The following SF3B1 variants were observed in gnomAD, a reference collection of about 807,000 sequenced individuals.
SF3B1 encodes splicing factor 3b subunit 1, also known as pre-mRNA processing 10.
A neutral mutation model predicts 153.8 loss-of-function variants in SF3B1; 12 were observed. The ratio of observed to expected loss-of-function variants is 0.08; its 90% CI spans 0.05 to 0.13. The LOEUF is 0.13. Ranked by LOEUF, SF3B1 falls within the 10% of genes least tolerant of loss-of-function variation. SF3B1 has a pLI of 1.00. For synonymous variants in SF3B1, 498 were observed against 525.2 expected (o/e 0.95, Z 0.71); for missense variants, 513 against 1,606.1 (o/e 0.32, Z 11.63).
Position 197,416,748 on chromosome 2 carries a change from T to G in SF3B1, c.659A>C (p.Gln220Pro). ...ATPKKLSSWD[Q>P]AETPGHTPSL... ...AAAACAAAAAGAAATTACCTCTGCC[T>G]GATCCCAACTTGATAGTTTTTTGGG... The change falls in exon 6 of 25, where the codon CAG (glutamine) becomes CCG (proline). Residue 220 changes from glutamine (Q) to proline (P), a missense_variant. By Grantham distance (76) the Gln-to-Pro change is moderately conservative (BLOSUM62 -1). Around this residue, in one of 21 missense-constraint regions of SF3B1, gnomAD observed 17 missense variants for 16.3 expected, o/e 1.05. Transcript: ENST00000335508. The G allele has an allele frequency of 6.2e-7, 1 of 1,610,166 alleles. No individual in the cohort carries two copies. The highest frequency in any genetic ancestry group is 8.5e-7 in the Non-Finnish European group (1 of 1,178,814).
chr2:197,402,519 GAAAA>G lies in SF3B1; in HGVS notation c.2077+33_2077+36del, dbSNP rs752109835. ...ACATAGTAAGACCCTGTCTCCTAAA[GAAAA>G]AAAAAAAAAGACAAAGTTACATTAC... On this transcript the variant is annotated intron_variant, in intron 14 of 24. Coordinates refer to ENST00000335508, the MANE Select transcript of SF3B1 (RefSeq NM_012433.4). This position sits in a 1 kb window ranked among gnomAD's most constrained non-coding sequence, Gnocchi z 4.6. 4 of 1,285,000 alleles carry G rather than the reference GAAAA, an allele frequency of 3.1e-6. No individual in the cohort carries two copies. Among genetic ancestry groups the G allele is most frequent in the South Asian group, 1.3e-5 (1 of 77,352 alleles). The allele number at this position is 1,285,000 out of a possible 1,614,324, so 79.6% of individuals were successfully genotyped here.
intron 12 of SF3B1, 80 bp downstream of exon 12, chr2:197,403,502 TAGG>T (rs1455032827): frequency 3.5e-6 from 3 of 866,402 alleles, no homozygotes; most frequent in Non-Finnish European, 5.2e-6. Context: ...GGAAAAGGTC[TAGG>T]AGAATATGTA....
At chr2:197,409,542 A>G (rs1402610339) in intron 7 of SF3B1, among the ~76,000 whole-genome samples, 1 of 152,164 alleles carries the variant, frequency 6.6e-6, no homozygotes, top group Non-Finnish European at 1.5e-5. Flanking sequence ...ACACAAAATC[A>G]AAGGTTACAG....
intron 4 of SF3B1, chr2:197,418,809 T>C (rs1255587742): frequency 6.7e-7 from 1 of 1,499,424 alleles, no homozygotes; most frequent in Non-Finnish European, 8.9e-7. Flanking sequence ...AAAACAAATA[T>C]TTTAATGCAT....
intron 7 of SF3B1, among the ~76,000 whole-genome samples, chr2:197,409,005 T>C (rs1018170476): frequency 6.6e-6 from 1 of 152,170 alleles, no homozygotes; most frequent in Non-Finnish European, 1.5e-5. Flanking sequence ...GGCACAGTGG[T>C]TCATGCCTGT....
chr2:197,405,567 A>T, intron 9 of SF3B1, 95 bp from the exon 10 acceptor site: 1 of 855,616 alleles, frequency 1.2e-6, no homozygotes, highest in South Asian at 1.7e-5. Context: ...TTTATTAGCT[A>T]ATAAGGTTTT....
intron 1 of SF3B1, among the ~76,000 whole-genome samples, chr2:197,431,098 TTTC>T (rs1427457372): frequency 2.1e-5 from 3 of 144,516 alleles, no homozygotes; most frequent in Non-Finnish European, 3.0e-5. Flanking sequence ...TCCTGTGCCT[TTTC>T]TTCTTTTTTT....
At chr2:197,409,142 G>A (rs1412671601) in intron 7 of SF3B1, among the ~76,000 whole-genome samples, 1 of 152,086 alleles carries the variant, frequency 6.6e-6, no homozygotes, top group Admixed American at 6.6e-5. Context: ...GCTCATGCCT[G>A]TAATCCCAGC....
At chr2:197,395,831 A>T (rs983158008) in intron 23 of SF3B1, among the ~76,000 whole-genome samples, 11 of 152,242 alleles carry the variant, frequency 7.2e-5, no homozygotes, top group Non-Finnish European at 1.6e-4. Flanking sequence ...ATAAGAAAAG[A>T]GATTTAAAGG....
At chr2:197,398,209 C>A in intron 21 of SF3B1, 93 bp from the exon 22 acceptor site, 1 of 1,047,572 alleles carries the variant, frequency 9.5e-7, no homozygotes. Flanking sequence ...ATGATTAACT[C>A]ATTTTAAGCA....
intron 22 of SF3B1, 23 bp downstream of exon 22, chr2:197,397,962 T>TA: frequency 6.4e-7 from 1 of 1,571,650 alleles, no homozygotes. Context: ...AATTTTTTTT[T>TA]AATGGAAGTA....
rs919894950 is a variant in SF3B1, at chr2:197,391,473, A to G, written c.*830T>C. 5 of 152,248 alleles carry G rather than the reference A, an allele frequency of 3.3e-5. No individual in the cohort carries two copies. The highest frequency in any genetic ancestry group is 7.2e-5 in the African/African-American group (3 of 41,458). 9.4% of individuals were successfully genotyped at this position (152,248 alleles called of 1,614,324 possible). On this transcript the variant is annotated 3_prime_UTR_variant, in exon 25 of 25. Transcript: ENST00000335508. ...CTGATGCATTGCTGAGTAGTGGCTTATAACATGGAGAAAAGCCCAACATTG... is the reference window on the plus strand; with the variant it reads ...CTGATGCATTGCTGAGTAGTGGCTTGTAACATGGAGAAAAGCCCAACATTG...
At chr2:197,395,082 ATTCTT>A (rs1262168787) in intron 23 of SF3B1, among the ~76,000 whole-genome samples, 1 of 152,232 alleles carries the variant, frequency 6.6e-6, no homozygotes, top group Non-Finnish European at 1.5e-5. Flanking sequence ...CAACTGAAGT[ATTCTT>A]TTCATTTAGT....
intron 22 of SF3B1, 111 bp downstream of exon 22, chr2:197,397,874 G>C: frequency 1.5e-6 from 1 of 676,208 alleles, no homozygotes; most frequent in Non-Finnish European, 2.4e-6. Flanking sequence ...TTTCTCAACT[G>C]CATTATTCAG....
chr2:197,418,845 TAG>T, intron 4 of SF3B1: 2 of 1,544,512 alleles, frequency 1.3e-6, no homozygotes, highest in Non-Finnish European at 1.7e-6. Flanking sequence ...CAGCACAGTT[TAG>T]AGTCTTCAGA....
At chr2:197,407,519 C>T (rs1046203364) in intron 9 of SF3B1, among the ~76,000 whole-genome samples, 5 of 151,396 alleles carry the variant, frequency 3.3e-5, no homozygotes, top group East Asian at 1.9e-4. Flanking sequence ...GCAAGAGAAT[C>T]GCTTAAACCT....
chr2:197,422,232 G>A (rs1200255403), intron 2 of SF3B1, among the ~76,000 whole-genome samples: 1 of 151,786 alleles, frequency 6.6e-6, no homozygotes, highest in Non-Finnish European at 1.5e-5. Context: ...CACCTTTTGG[G>A]ATTTTTAAAT....
Position 197,414,889 on chromosome 2 carries a change from A to C in SF3B1, c.666+1852T>G, listed in dbSNP as rs555343958. Among the ~76,000 whole-genome samples the C allele has an allele frequency of 6.1e-4, 93 of 152,136 alleles. 1 individual carries two copies. The highest frequency in any genetic ancestry group is 2.2e-4 in the Non-Finnish European group (15 of 68,022). ...CATGGTGGTACGTGTCTATAGTCCC[A>C]TCTACTTGGGGGGTTGAGGTGGGAA... On this transcript the variant is annotated intron_variant, in intron 6 of 24. Coordinates refer to ENST00000335508, the MANE Select transcript of SF3B1 (RefSeq NM_012433.4).
At chr2:197,420,123 A>G (rs2085216208) in intron 4 of SF3B1, 3 of 316,516 alleles carry the variant, frequency 9.5e-6, no homozygotes, top group Non-Finnish European at 1.7e-5. Context: ...TGAGCAGAAA[A>G]ATACATTTGA....
Sources: allele counts gnomAD v4.1 joint callset (sites outside exome capture counted in the v4.1 genomes callset), GRCh38; gene constraint gnomAD v4.1.1; regional missense constraint gnomAD v4.1.1; non-coding constraint Gnocchi (gnomAD v3.1); transcripts MANE v1.5; gene names NCBI Gene and HGNC (gene_info 2026-07-23, HGNC 2026-07-21).